Variants in INSC observed in about 807,000 individuals in gnomAD.
The protein encoded by INSC is INSC spindle orientation adaptor protein.
Under a neutral mutation model 58.6 loss-of-function variants are expected in INSC, and 67 were observed. The ratio of observed to expected loss-of-function variants is 1.14; its 90% CI spans 0.94 to 1.40. The LOEUF (loss-of-function observed/expected upper bound fraction) is 1.40. Among genes scored for constraint, INSC ranks in the 40% most tolerant of loss-of-function variants. INSC has a pLI of 0.00. For synonymous variants in INSC, 262 were observed against 276.1 expected, an observed-to-expected ratio of 0.95 and a Z score of 0.51; for missense variants, 714 against 692.0, an observed-to-expected ratio of 1.03 and a Z score of -0.36.
intron 8 of INSC, among the ~76,000 whole-genome samples, chr11:15,223,216 A>G (rs1434806986): frequency 6.6e-6 from 1 of 152,232 alleles, no homozygotes; most frequent in Non-Finnish European, 1.5e-5. Flanking sequence ...AAATTTCTCA[A>G]TTTATAAACA....
At chr11:15,146,270 C>G (rs1848488994) in intron 1 of INSC, among the ~76,000 whole-genome samples, 1 of 152,206 alleles carries the variant, frequency 6.6e-6, no homozygotes, top group Non-Finnish European at 1.5e-5. Context: ...GAGAGGTAAT[C>G]TGATTCACAA....
chr11:15,229,942 ATAATATTATATATATATTTATATAT>A (rs1243641582), intron 9 of INSC, among the ~76,000 whole-genome samples: 2 of 5,938 alleles, frequency 3.4e-4, no homozygotes, highest in South Asian at 4.3e-3. Context: ...TTATATATAT[ATAATATTATATATATATTTATATAT>A]ATATATATAT....
At chr11:15,250,233 A>G (rs1376557765), downstream of INSC, among the ~76,000 whole-genome samples, 1 of 152,158 alleles carries the variant, frequency 6.6e-6, no homozygotes, top group African/African-American at 2.4e-5. Context: ...TCCTAGCTTT[A>G]CCACTTTACT....
At chr11:15,128,405 A>T (rs945970647) in intron 1 of INSC, among the ~76,000 whole-genome samples, 1 of 152,282 alleles carries the variant, frequency 6.6e-6, no homozygotes, top group Non-Finnish European at 1.5e-5. Context: ...ATCCATTATT[A>T]TATTTTAGTT....
chr11:15,256,886 C>G, the INSC span, among the ~76,000 whole-genome samples: 3 of 152,160 alleles, frequency 2.0e-5, no homozygotes, highest in Non-Finnish European at 2.9e-5. Flanking sequence ...GCGGGGTGGA[C>G]ACTCACACAC....
chr11:15,257,986 C>T, the INSC span, among the ~76,000 whole-genome samples: 2 of 152,094 alleles, frequency 1.3e-5, no homozygotes, highest in African/African-American at 4.8e-5. Flanking sequence ...AATGTCTACC[C>T]CTGGAGAGGT....
At chr11:15,241,761 A>G in intron 12 of INSC, 1 of 593,558 alleles carries the variant, frequency 1.7e-6, no homozygotes, top group East Asian at 2.8e-5. Context: ...AAAGTGAATT[A>G]TATTAAAAAT....
intron 6 of INSC, among the ~76,000 whole-genome samples, chr11:15,191,740 C>T (rs1422427906): frequency 6.6e-6 from 1 of 152,182 alleles, no homozygotes; most frequent in Non-Finnish European, 1.5e-5. Flanking sequence ...ACATGACCTT[C>T]ACCACCAACT....
At position 15,221,658 on chromosome 11, in the gene INSC, C is replaced by A. The variant is rs1359138387; in HGVS notation, c.991+10C>A. ...GTGACAGCCCTCGTCAGTGAGTCACCCTGGGCAGCGGGACCACTAGGAGAG... is the reference window on the plus strand; with the variant it reads ...GTGACAGCCCTCGTCAGTGAGTCACACTGGGCAGCGGGACCACTAGGAGAG... On this transcript the variant is annotated intron_variant, in intron 8 of 12. Coordinates refer to ENST00000379556, the MANE Select transcript of INSC (RefSeq NM_001042536.3). 3.7e-6 allele frequency: 6 copies of A among 1,603,352 alleles called. No individual in the cohort carries two copies. Among genetic ancestry groups the A allele is most frequent in the Non-Finnish European group, 3.4e-6 (4 of 1,173,444 alleles).
intron 2 of INSC, among the ~76,000 whole-genome samples, chr11:15,155,593 C>T (rs1344415200): frequency 6.6e-6 from 1 of 152,208 alleles, no homozygotes; most frequent in Non-Finnish European, 1.5e-5. Flanking sequence ...GGCCCAGTGC[C>T]TGGCCCATTT....
At chr11:15,264,319 G>A in the INSC span, among the ~76,000 whole-genome samples, 86 of 143,384 alleles carry the variant, frequency 6.0e-4, no homozygotes, top group African/African-American at 2.0e-3. Flanking sequence ...TGCTGCGGCG[G>A]CTGCTGCGTA....
At chr11:15,112,505 C>T (rs1254586672), upstream of INSC, 9 of 1,611,920 alleles carry the variant, frequency 5.6e-6, no homozygotes, top group South Asian at 5.5e-5. Flanking sequence ...AGGCGGCCAG[C>T]GAAGGTCCAG....
intron 10 of INSC, among the ~76,000 whole-genome samples, 186 bp downstream of exon 10, chr11:15,235,854 G>A (rs1450556582): frequency 9.2e-5 from 14 of 151,914 alleles, no homozygotes; most frequent in Non-Finnish European, 1.5e-5. Flanking sequence ...TAAGGAGTTC[G>A]AGACCAGCCT....
intron 10 of INSC, among the ~76,000 whole-genome samples, chr11:15,236,751 C>T (rs1051219439): frequency 2.0e-4 from 31 of 152,240 alleles, no homozygotes; most frequent in African/African-American, 6.5e-4. Context: ...GCGGAGTGAG[C>T]TGGGAGCCTG....
At chr11:15,211,847 T>C (rs1354398266) in intron 7 of INSC, among the ~76,000 whole-genome samples, 1 of 151,914 alleles carries the variant, frequency 6.6e-6, no homozygotes, top group African/African-American at 2.4e-5. Context: ...TGCATGAGTC[T>C]GTTTCTGGAT....
chr11:15,120,876 T>C (rs577283687), intron 1 of INSC, among the ~76,000 whole-genome samples: 1 of 152,300 alleles, frequency 6.6e-6, no homozygotes, highest in South Asian at 2.1e-4. Context: ...ATAAGACTTA[T>C]ATAAGAAATC....
intron 10 of INSC, 145 bp from the exon 11 acceptor site, chr11:15,238,774 C>A: frequency 1.4e-6 from 1 of 727,422 alleles, no homozygotes; most frequent in East Asian, 2.8e-5. Flanking sequence ...GAGGAACAGC[C>A]TTGTCCAGCT....
downstream of INSC, among the ~76,000 whole-genome samples, chr11:15,247,803 A>G (rs1397244353): frequency 6.7e-6 from 1 of 149,620 alleles, no homozygotes; most frequent in African/African-American, 2.5e-5. Flanking sequence ...CTTTCATTAT[A>G]TGATATCAAC....
At chr11:15,160,658 A>G (rs541481206) in intron 2 of INSC, among the ~76,000 whole-genome samples, 1 of 152,374 alleles carries the variant, frequency 6.6e-6, no homozygotes, top group South Asian at 2.1e-4. Flanking sequence ...ATCAGAGGGC[A>G]TCTACAATGC....
Sources: allele counts gnomAD v4.1 joint callset (sites outside exome capture counted in the v4.1 genomes callset), GRCh38; gene constraint gnomAD v4.1.1; transcripts MANE v1.5; gene names NCBI Gene and HGNC (gene_info 2026-07-23, HGNC 2026-07-21).